The following PRPF6 variants were observed in gnomAD, a reference collection of about 807,000 sequenced individuals.
PRPF6 encodes the protein pre-mRNA processing factor 6, also known as pre-mRNA-processing factor 6.
Under a neutral mutation model 118.3 loss-of-function variants are expected in PRPF6, and 42 were observed. The ratio of observed to expected loss-of-function variants is 0.35; its 90% confidence interval spans 0.28 to 0.46. PRPF6 has a LOEUF of 0.46. Among genes scored for constraint, PRPF6 ranks in the 20% least tolerant of loss-of-function variants. The pLI, the probability that PRPF6 is intolerant of heterozygous loss-of-function variation, is 1.00. For missense variants in PRPF6, 662 were observed against 1,255.7 expected, an observed-to-expected ratio of 0.53 and a Z score of 7.15; for synonymous variants, 481 against 485.1, an observed-to-expected ratio of 0.99 and a Z score of 0.11.
intron 2 of PRPF6, among the ~76,000 whole-genome samples, chr20:63,984,706 C>T (rs550379672): frequency 5.9e-5 from 9 of 152,212 alleles, no homozygotes; most frequent in African/African-American, 2.2e-4. Context: ...TGGTCCCTTC[C>T]AATTGGGGGT....
chr20:63,988,474 G>T (rs965902143), intron 3 of PRPF6, among the ~76,000 whole-genome samples: 1 of 152,054 alleles, frequency 6.6e-6, no homozygotes, highest in Non-Finnish European at 1.5e-5. Flanking sequence ...TCCAGCCTGG[G>T]TAACAGAGTG....
chr20:63,995,502 T>G lies in PRPF6; in HGVS notation c.771+20T>G. ...AGCCAGGTGAGTTTGTCACACAGCA[T>G]TTTCCTGTGGACAGGTTTAGACAGT... is the stretch of plus-strand genomic sequence containing the variant. On this transcript the variant is annotated intron_variant, in intron 6 of 20. Coordinates refer to ENST00000266079, the MANE Select transcript of PRPF6 (RefSeq NM_012469.4). 1 of 1,613,858 alleles carries G rather than the reference T, an allele frequency of 6.2e-7. No homozygotes were observed.
chr20:63,999,036 G>T lies in PRPF6; in HGVS notation c.772-9G>T, dbSNP rs537571991. The stretch of plus-strand genomic sequence containing the variant: ...GTCCAGCTGACTCTTAGCTTGGCCT[G>T]TCTCACAGGTGTCTGACTCCGTGAG... On this transcript the variant is annotated splice_polypyrimidine_tract_variant and intron_variant, in intron 6 of 20. Transcript: ENST00000266079. The T allele has an allele frequency of 1.2e-6, 2 of 1,610,272 alleles. No homozygotes were observed. The highest frequency in any genetic ancestry group is 2.2e-5 in the East Asian group (1 of 44,858).
intron 9 of PRPF6, among the ~76,000 whole-genome samples, chr20:64,002,483 G>A (rs2059172008): frequency 1.3e-5 from 2 of 150,724 alleles, no homozygotes; most frequent in Non-Finnish European, 3.0e-5. Context: ...TTACAGGTGT[G>A]CGCCTCCATG....
intron 9 of PRPF6, among the ~76,000 whole-genome samples, chr20:64,004,085 G>A (rs2059179626): frequency 6.6e-6 from 1 of 152,256 alleles, no homozygotes. Flanking sequence ...ACAGTTTGAT[G>A]AATGATCATG....
chr20:64,022,959 A>C, intron 13 of PRPF6, 81 bp downstream of exon 13: 6 of 1,596,726 alleles, frequency 3.8e-6, no homozygotes, highest in Non-Finnish European at 5.1e-6. Context: ...TAAACCTCTC[A>C]TGTCTGCTCA....
Position 64,027,808 on chromosome 20 carries a change from G to A in PRPF6, c.2339+72G>A. 6.3e-7 allele frequency: 1 copy of A among 1,599,882 alleles called. No individual in the cohort carries two copies. The highest frequency in any genetic ancestry group is 8.6e-7 in the Non-Finnish European group (1 of 1,169,474). The stretch of plus-strand genomic sequence containing the variant: ...TCAGGTGGGCCGCCGTCACCCAGCT[G>A]CTTGTGTGGAGTCACTCGTGCAGTG... On this transcript the variant is annotated intron_variant, in intron 17 of 20. Transcript: ENST00000266079. This position sits in a 1 kb window ranked among gnomAD's most constrained non-coding sequence, Gnocchi z 6.5.
At chr20:64,001,401 G>A (rs774519414) in intron 9 of PRPF6, among the ~76,000 whole-genome samples, 162 bp downstream of exon 9, 1 of 152,220 alleles carries the variant, frequency 6.6e-6, no homozygotes, top group Admixed American at 6.5e-5. Flanking sequence ...GGACCCCCAT[G>A]GGGGAGGGAT....
chr20:64,010,437 G>A (rs2059211527), intron 10 of PRPF6, 119 bp downstream of exon 10: 8 of 857,592 alleles, frequency 9.3e-6, no homozygotes, highest in East Asian at 2.5e-5. Flanking sequence ...TGCAATTTCT[G>A]GGAGCAGAAG....
chr20:64,025,918 G>A (rs200093040), intron 14 of PRPF6, 21 bp from the exon 15 acceptor site: 7 of 1,613,398 alleles, frequency 4.3e-6, no homozygotes, highest in Non-Finnish European at 5.1e-6. Flanking sequence ...CCCTCTTGAC[G>A]CTGCTGTACT....
At chr20:63,982,455 C>A (rs2059074550) in intron 1 of PRPF6, among the ~76,000 whole-genome samples, 1 of 152,220 alleles carries the variant, frequency 6.6e-6, no homozygotes, top group South Asian at 2.1e-4. Flanking sequence ...CAGGCGTGAG[C>A]CACCACGCCC....
At chr20:64,022,077 A>C (rs1243700689) in intron 12 of PRPF6, among the ~76,000 whole-genome samples, 1 of 152,154 alleles carries the variant, frequency 6.6e-6, no homozygotes, top group Non-Finnish European at 1.5e-5. Flanking sequence ...GCACACCTCC[A>C]TCACCTGCAG....
intron 11 of PRPF6, among the ~76,000 whole-genome samples, chr20:64,016,044 G>C (rs760084030): frequency 6.6e-6 from 1 of 152,132 alleles, no homozygotes; most frequent in Non-Finnish European, 1.5e-5. Flanking sequence ...CTTGAGCCTG[G>C]GAGTTGGAAG....
At chr20:64,005,107 G>A (rs1401581055) in intron 9 of PRPF6, among the ~76,000 whole-genome samples, 1 of 152,134 alleles carries the variant, frequency 6.6e-6, no homozygotes, top group Admixed American at 6.5e-5. Flanking sequence ...CTCCACTTCT[G>A]CTCATAAAGT....
intron 3 of PRPF6, among the ~76,000 whole-genome samples, chr20:63,985,456 C>G (rs975366016): frequency 6.6e-6 from 1 of 152,114 alleles, no homozygotes; most frequent in Non-Finnish European, 1.5e-5. Flanking sequence ...CTTGGTCTGT[C>G]GTAGCCATGC....
At chr20:64,021,230 CATGT>C (rs2059260949) in intron 12 of PRPF6, among the ~76,000 whole-genome samples, 9 of 151,578 alleles carry the variant, frequency 5.9e-5, no homozygotes, top group African/African-American at 2.2e-4. Flanking sequence ...GCCACAGCCC[CATGT>C]CTGTGTGTGC....
intron 3 of PRPF6, among the ~76,000 whole-genome samples, chr20:63,988,329 A>AC (rs1352051054): frequency 4.2e-5 from 6 of 144,482 alleles, no homozygotes; most frequent in African/African-American, 1.0e-4. Context: ...CAAAAAAAAA[A>AC]AAAACCAAAA....
intron 2 of PRPF6, among the ~76,000 whole-genome samples, chr20:63,983,706 G>A (rs1006587978): frequency 1.3e-5 from 2 of 149,172 alleles, no homozygotes; most frequent in Non-Finnish European, 3.0e-5. Flanking sequence ...CCAGGCTGGA[G>A]TGCAGTGGTG....
intron 10 of PRPF6, among the ~76,000 whole-genome samples, 163 bp downstream of exon 10, chr20:64,010,481 T>C (rs2427589): frequency 1 from 152,200 of 152,376 alleles, 76,012 homozygotes; most frequent in Middle Eastern, 1. Flanking sequence ...GTTCTGTACA[T>C]AGCCGCTAGG....
Sources: gnomAD v4.1 joint callset for allele counts (sites outside exome capture counted in the v4.1 genomes callset) on GRCh38, gnomAD v4.1.1 for gene constraint, Gnocchi (gnomAD v3.1) non-coding constraint, MANE v1.5 for transcripts, NCBI Gene and HGNC (gene_info 2026-07-23, HGNC 2026-07-21) for gene names.